The following CNTNAP5 variants were observed in gnomAD, a reference collection of about 807,000 sequenced individuals.
CNTNAP5 encodes the protein contactin associated protein family member 5, also known as contactin-associated protein-like 5.
Under a neutral mutation model 150.2 loss-of-function variants are expected in CNTNAP5, and 72 were observed. The observed-to-expected ratio is 0.48, with a 90% CI of 0.40 to 0.58. The LOEUF (loss-of-function observed/expected upper bound fraction) is 0.58. Ranked by LOEUF, CNTNAP5 falls within the 20% of genes least tolerant of loss-of-function variation. The pLI, the probability that CNTNAP5 is intolerant of heterozygous loss-of-function variation, is 0.00. For synonymous variants in CNTNAP5, 672 were observed against 619.8 expected, an observed-to-expected ratio of 1.08 and a Z score of -1.25; for missense variants, 1,636 against 1,626.2, an observed-to-expected ratio of 1.01 and a Z score of -0.10.
chr2:124,362,414 C>G (rs1690238351), intron 3 of CNTNAP5, among the ~76,000 whole-genome samples: 1 of 152,214 alleles, frequency 6.6e-6, no homozygotes, highest in Admixed American at 6.5e-5. Context: ...GTATTGTTGA[C>G]TTTCAGAATC....
At chr2:124,296,937 T>C (rs1338023000) in intron 3 of CNTNAP5, among the ~76,000 whole-genome samples, 1 of 152,186 alleles carries the variant, frequency 6.6e-6, no homozygotes, top group African/African-American at 2.4e-5. Context: ...CAGCAAACGT[T>C]GCAACATCCT....
At chr2:124,670,089 T>G (rs1268810624) in intron 13 of CNTNAP5, among the ~76,000 whole-genome samples, 2 of 151,906 alleles carry the variant, frequency 1.3e-5, no homozygotes, top group Non-Finnish European at 2.9e-5. Context: ...CTCTATATTG[T>G]GCTGACACTT....
chr2:124,803,705 G>A (rs1411457662), intron 19 of CNTNAP5, among the ~76,000 whole-genome samples: 1 of 152,200 alleles, frequency 6.6e-6, no homozygotes, highest in Non-Finnish European at 1.5e-5. Flanking sequence ...AAGGAATAAT[G>A]ATGAACTGCG....
chr2:124,361,210 CT>C (rs1303618270), intron 3 of CNTNAP5, among the ~76,000 whole-genome samples: 1 of 145,384 alleles, frequency 6.9e-6, no homozygotes, highest in Non-Finnish European at 1.5e-5. Context: ...ATACATTCTT[CT>C]AAATTTTTTT....
chr2:124,643,767 T>A (rs1395927683), intron 12 of CNTNAP5, among the ~76,000 whole-genome samples: 1 of 152,216 alleles, frequency 6.6e-6, no homozygotes, highest in Non-Finnish European at 1.5e-5. Flanking sequence ...CATTTTCCAA[T>A]GAGGAAACCT....
At chr2:124,896,909 A>G (rs1678318028) in intron 21 of CNTNAP5, among the ~76,000 whole-genome samples, 1 of 151,594 alleles carries the variant, frequency 6.6e-6, no homozygotes, top group Non-Finnish European at 1.5e-5. Flanking sequence ...GCCTTATTTC[A>G]GACAGAGTTA....
intron 3 of CNTNAP5, among the ~76,000 whole-genome samples, chr2:124,343,132 A>G (rs1689658685): frequency 6.6e-6 from 1 of 152,220 alleles, no homozygotes; most frequent in South Asian, 2.1e-4. Flanking sequence ...ATGGTTAAAG[A>G]TCTGAGAGAG....
intron 10 of CNTNAP5, among the ~76,000 whole-genome samples, chr2:124,548,447 T>G (rs933813237): frequency 1.3e-5 from 2 of 152,218 alleles, no homozygotes; most frequent in Middle Eastern, 3.4e-3. Context: ...TGAAACCAGG[T>G]TTGCTGTTCA....
chr2:124,301,379 A>G (rs1172367605), intron 3 of CNTNAP5, among the ~76,000 whole-genome samples: 1 of 152,162 alleles, frequency 6.6e-6, no homozygotes, highest in Non-Finnish European at 1.5e-5. Context: ...TCTTGCCTGC[A>G]TTTCTGCTCC....
chr2:124,225,694 A>G (rs1339191090), intron 2 of CNTNAP5, among the ~76,000 whole-genome samples: 1 of 152,202 alleles, frequency 6.6e-6, no homozygotes, highest in African/African-American at 2.4e-5. Context: ...TATTAACTAT[A>G]GTCACCATGC....
chr2:124,197,516 T>A (rs1048565954), intron 1 of CNTNAP5, among the ~76,000 whole-genome samples: 2 of 152,224 alleles, frequency 1.3e-5, no homozygotes, highest in African/African-American at 4.8e-5. Context: ...TTTTCTGCTC[T>A]AACAAGCAGA....
chr2:124,690,580 C>T (rs552927237), intron 13 of CNTNAP5, among the ~76,000 whole-genome samples: 53 of 152,126 alleles, frequency 3.5e-4, no homozygotes, highest in Non-Finnish European at 6.8e-4. Context: ...TCACTCAAGG[C>T]CCTCTGTGAC....
Position 124,914,119 on chromosome 2 carries a change from T to C in CNTNAP5, c.3755T>C (p.Ile1252Thr). Residue 1252 changes from isoleucine to threonine, a missense_variant, in exon 24 of 24, where the codon ATC (isoleucine) becomes ACC (threonine). Coordinates refer to ENST00000682447, the MANE Select transcript of CNTNAP5 (RefSeq NM_001367498.1). ...GTGATAGCAGTGGTGATATTCATCA[T>C]CTTCTGTATCATCGGCATCATGACC... The part of the protein sequence containing the change: ...GGVIAVVIFI[I>T]FCIIGIMTRF... 1.9e-6 allele frequency: 3 copies of C among 1,612,304 alleles called. No homozygotes were observed. The highest frequency in any genetic ancestry group is 2.2e-5 in the South Asian group (2 of 90,998).
chr2:124,626,311 C>A (rs1677721533), intron 12 of CNTNAP5, among the ~76,000 whole-genome samples: 1 of 152,052 alleles, frequency 6.6e-6, no homozygotes, highest in Non-Finnish European at 1.5e-5. Context: ...ACAGCTCTAG[C>A]CTGCAGCTCC....
intron 1 of CNTNAP5, among the ~76,000 whole-genome samples, chr2:124,036,686 G>C (rs779374357): frequency 6.6e-6 from 1 of 152,044 alleles, no homozygotes; most frequent in Admixed American, 6.5e-5. Flanking sequence ...CTTCTTTCTC[G>C]GCAGGGTTTC....
At chr2:124,339,647 C>T (rs1689561602) in intron 3 of CNTNAP5, among the ~76,000 whole-genome samples, 1 of 152,264 alleles carries the variant, frequency 6.6e-6, no homozygotes, top group Non-Finnish European at 1.5e-5. Context: ...ACTGTACAGA[C>T]AAAACCAATT....
intron 14 of CNTNAP5, among the ~76,000 whole-genome samples, chr2:124,757,758 G>T (rs946400806): frequency 6.6e-6 from 1 of 152,132 alleles, no homozygotes; most frequent in Non-Finnish European, 1.5e-5. Context: ...GATATAAGTT[G>T]CTCATCTGAG....
At chr2:124,604,055 T>C (rs1697047654) in intron 11 of CNTNAP5, among the ~76,000 whole-genome samples, 1 of 152,188 alleles carries the variant, frequency 6.6e-6, no homozygotes, top group Non-Finnish European at 1.5e-5. Context: ...AAATCTTTTT[T>C]CCTTTTATGT....
At chr2:124,677,741 G>T (rs1054838622) in intron 13 of CNTNAP5, among the ~76,000 whole-genome samples, 1 of 151,410 alleles carries the variant, frequency 6.6e-6, no homozygotes. Flanking sequence ...GCGCTGATTG[G>T]TGCATTTACA....
Sources: gnomAD v4.1 joint callset for allele counts (sites outside exome capture counted in the v4.1 genomes callset) on GRCh38, gnomAD v4.1.1 for gene constraint, MANE v1.5 for transcripts, NCBI Gene and HGNC (gene_info 2026-07-23, HGNC 2026-07-21) for gene names.